Variants in PRIM2 observed in about 807,000 individuals in gnomAD.
PRIM2 encodes DNA primase subunit 2, also known as DNA primase large subunit.
PRIM2 carries 39 observed loss-of-function variants against 67.3 expected under a neutral mutation model. The ratio of observed to expected loss-of-function variants is 0.58; its 90% CI spans 0.45 to 0.76. The LOEUF (loss-of-function observed/expected upper bound fraction) is 0.76, where lower values mean the gene tolerates loss of function less well. PRIM2 is among the 30% of genes least tolerant of loss of function. The pLI, the probability that PRIM2 is intolerant of heterozygous loss-of-function variation, is 0.00. For missense variants in PRIM2, 398 were observed against 598.7 expected (o/e 0.66, Z 3.50); for synonymous variants, 143 against 198.7 (o/e 0.72, Z 2.36).
chr6:57,288,796 A>T, the PRIM2 span, among the ~76,000 whole-genome samples: 1 of 152,216 alleles, frequency 6.6e-6, no homozygotes, highest in Non-Finnish European at 1.5e-5. Flanking sequence ...CCCCATCTGT[A>T]GGTTACCAAC....
chr6:57,426,148 A>C lies in PRIM2; in HGVS notation c.693+43980A>C, dbSNP rs73749522. On this transcript the variant is annotated intron_variant, in intron 7 of 13. Transcript: ENST00000615550. ...AATACACAGGTCTCTAATATTTGGCAAAAGTATACACTCATCATATAAGTA... is the reference window on the plus strand; with the variant it reads ...AATACACAGGTCTCTAATATTTGGCCAAAGTATACACTCATCATATAAGTA... Among the ~76,000 whole-genome samples the C allele has an allele frequency of 9.8e-3, 1,494 of 152,318 alleles. 28 individuals are homozygous for C. The highest frequency in any genetic ancestry group is 0.033 in the African/African-American group (1,358 of 41,578).
At chr6:57,472,588 T>C (rs1355889556) in intron 7 of PRIM2, among the ~76,000 whole-genome samples, 2 of 152,184 alleles carry the variant, frequency 1.3e-5, no homozygotes, top group African/African-American at 2.4e-5. Flanking sequence ...GATACTTGTA[T>C]CTTTAAATTT....
rs575958629 is a variant in PRIM2 at position 57,422,158 on chromosome 6, C to CTTTTT, written c.693+40000_693+40004dup. On this transcript the variant is annotated intron_variant, in intron 7 of 13. Coordinates refer to ENST00000615550, the MANE Select transcript of PRIM2 (RefSeq NM_000947.5). ...AAATTCAAAAGTATTTCTTTTCTTT[C>CTTTTT]TTTTTTTTTTTTTTGAGATGGAGTC... is the stretch of plus-strand genomic sequence containing the variant. 6.3e-4 allele frequency among the ~76,000 whole-genome samples: 65 copies of CTTTTT among 103,326 alleles called. 9 individuals carry two copies. Among genetic ancestry groups the CTTTTT allele is most frequent in the African/African-American group, 2.0e-3 (58 of 28,944 alleles). The allele number at this position is 103,326 out of a possible 152,430, so 67.8% of individuals were successfully genotyped here.
chr6:57,634,815 G>A (rs2127500095), intron 13 of PRIM2, among the ~76,000 whole-genome samples: 1 of 152,008 alleles, frequency 6.6e-6, no homozygotes, highest in African/African-American at 2.4e-5. Flanking sequence ...TTACATTAAT[G>A]AAGATTTTGG....
At chr6:57,632,253 G>A (rs1473158398) in intron 13 of PRIM2, 52 bp downstream of exon 13, 17 of 1,129,502 alleles carry the variant, frequency 1.5e-5, no homozygotes, top group South Asian at 2.0e-5. Flanking sequence ...TTGTTACTGT[G>A]TCACATTCAG....
At chr6:57,642,050 C>G (rs1777246026) in intron 13 of PRIM2, among the ~76,000 whole-genome samples, 1 of 152,148 alleles carries the variant, frequency 6.6e-6, no homozygotes, top group Non-Finnish European at 1.5e-5. Flanking sequence ...ACTATGAAGC[C>G]ATTAAAAAGG....
chr6:57,503,774 C>G (rs1231045431), intron 7 of PRIM2, among the ~76,000 whole-genome samples: 1 of 151,638 alleles, frequency 6.6e-6, no homozygotes, highest in East Asian at 1.9e-4. Flanking sequence ...AAAGAAGGAA[C>G]TATGTTGTGG....
chr6:57,291,861 C>A, the PRIM2 span, among the ~76,000 whole-genome samples: 2 of 152,156 alleles, frequency 1.3e-5, no homozygotes, highest in African/African-American at 2.4e-5. Flanking sequence ...ATAATAAGAG[C>A]TATTTATGAC....
chr6:57,481,431 T>C (rs1183696901), intron 7 of PRIM2, among the ~76,000 whole-genome samples: 103 of 152,350 alleles, frequency 6.8e-4, no homozygotes, highest in African/African-American at 2.4e-3. Context: ...TTGTTGCATA[T>C]ATCAATAGTT....
At chr6:57,578,927 C>G (rs1248987170) in intron 10 of PRIM2, among the ~76,000 whole-genome samples, 1 of 151,766 alleles carries the variant, frequency 6.6e-6, no homozygotes, top group Non-Finnish European at 1.5e-5. Flanking sequence ...CCGCCCGCCT[C>G]GGCCTCCCAA....
intron 9 of PRIM2, among the ~76,000 whole-genome samples, chr6:57,536,148 A>G (rs1245528197): frequency 6.6e-6 from 1 of 152,174 alleles, no homozygotes; most frequent in Non-Finnish European, 1.5e-5. Flanking sequence ...ATGAAGAGAA[A>G]CTAGATGGTC....
At chr6:57,437,821 C>T (rs5012212) in intron 7 of PRIM2, among the ~76,000 whole-genome samples, 14 of 151,990 alleles carry the variant, frequency 9.2e-5, no homozygotes, top group Non-Finnish European at 1.5e-4. Context: ...GGTAGCACCA[C>T]GCCTGGCTAA....
chr6:57,632,543 G>A (rs1209674490), intron 13 of PRIM2, among the ~76,000 whole-genome samples: 1 of 152,070 alleles, frequency 6.6e-6, no homozygotes, highest in African/African-American at 2.4e-5. Flanking sequence ...GGTCCATATG[G>A]TCTGCGTCAC....
chr6:57,575,021 C>T (rs1300133489), intron 10 of PRIM2, among the ~76,000 whole-genome samples: 3 of 152,126 alleles, frequency 2.0e-5, no homozygotes, highest in Non-Finnish European at 4.4e-5. Flanking sequence ...TCTCAGAGAA[C>T]CTCCAGCCAG....
At chr6:57,337,090 A>T (rs1373335991) in intron 5 of PRIM2, among the ~76,000 whole-genome samples, 5 of 152,222 alleles carry the variant, frequency 3.3e-5, no homozygotes, top group Admixed American at 3.3e-4. Flanking sequence ...CTTTAAACCA[A>T]CAAAGATCAA....
intron 10 of PRIM2, among the ~76,000 whole-genome samples, chr6:57,571,427 A>C (rs1249332972): frequency 1.3e-5 from 2 of 152,150 alleles, no homozygotes; most frequent in Non-Finnish European, 2.9e-5. Context: ...AGGTGGGCAG[A>C]TCGCTTGAGG....
At chr6:57,243,643 T>A in the PRIM2 span, among the ~76,000 whole-genome samples, 1 of 152,082 alleles carries the variant, frequency 6.6e-6, no homozygotes, top group Non-Finnish European at 1.5e-5. Context: ...CTCTTTTTTT[T>A]ATTTTTATTT....
At chr6:57,410,358 G>GA (rs1345631655) in intron 7 of PRIM2, among the ~76,000 whole-genome samples, 5 of 146,676 alleles carry the variant, frequency 3.4e-5, no homozygotes, top group East Asian at 2.0e-4. Flanking sequence ...AAGAAAGAAA[G>GA]AAAGAAAAGA....
At chr6:57,240,053 A>G in the PRIM2 span, among the ~76,000 whole-genome samples, 1 of 150,330 alleles carries the variant, frequency 6.7e-6, no homozygotes, top group South Asian at 2.1e-4. Flanking sequence ...TAAATTATAT[A>G]TAGGTATTAG....
Sources: allele counts gnomAD v4.1 joint callset (sites outside exome capture counted in the v4.1 genomes callset), GRCh38; gene constraint gnomAD v4.1.1; transcripts MANE v1.5; gene names NCBI Gene and HGNC (gene_info 2026-07-23, HGNC 2026-07-21).